FAM124B: variants seen among roughly 807,000 people sequenced by gnomAD.
FAM124B encodes protein FAM124B.
FAM124B carries 18 observed loss-of-function variants against 19.7 expected under a neutral mutation model. The ratio of observed to expected loss-of-function variants is 0.92; its 90% CI spans 0.63 to 1.36. The LOEUF is 1.36. Among genes scored for constraint, FAM124B ranks in the 40% most tolerant of loss-of-function variants. FAM124B has a pLI of 0.00. For missense variants in FAM124B, 540 were observed against 553.3 expected (o/e 0.98, Z 0.24); for synonymous variants, 223 against 225.2 (o/e 0.99, Z 0.09).
chr2:224,401,796 C>A lies in FAM124B; in HGVS notation c.-28G>T, dbSNP rs766448837. 1 of 1,591,366 alleles carries A rather than the reference C, an allele frequency of 6.3e-7. No individual in the cohort carries two copies. Among genetic ancestry groups the A allele is most frequent in the African/African-American group, 1.4e-5 (1 of 73,974 alleles). On this transcript the variant is annotated 5_prime_UTR_variant, in exon 1 of 2. Transcript: ENST00000409685. ...AGGAACTGCCTGAGGCTGACAAAGACAGCGTGTGTAGAAGGCCCACTGTTC... is the reference window on the plus strand; with the variant it reads ...AGGAACTGCCTGAGGCTGACAAAGAAAGCGTGTGTAGAAGGCCCACTGTTC...
At chr2:224,380,968 C>G (rs1370339774) in intron 1 of FAM124B, among the ~76,000 whole-genome samples, 1 of 152,220 alleles carries the variant, frequency 6.6e-6, no homozygotes, top group African/African-American at 2.4e-5. Flanking sequence ...ACTGACCCCC[C>G]TTTAAGACTT....
rs1689690635 is a variant in FAM124B at position 224,380,074 on chromosome 2, C to T, written c.867G>A (p.Arg289=). The stretch of plus-strand genomic sequence containing the variant: ...GAAGCTCCAGAGAATGCCCCTGGGA[C>T]CTCTTGCCCTGGTTCCTCTGGCTCC... ...EPRSQRNQGK[R]SQGHSLELPE... Residue 289 remains arginine, a synonymous_variant, in exon 2 of 2, where the codon AGG becomes AGA. Coordinates refer to ENST00000409685, the MANE Select transcript of FAM124B (RefSeq NM_001122779.2). The T allele has an allele frequency of 3.2e-6, 5 of 1,551,682 alleles. No individual in the cohort carries two copies. Among genetic ancestry groups the T allele is most frequent in the South Asian group, 1.2e-5 (1 of 84,058 alleles).
intron 1 of FAM124B, among the ~76,000 whole-genome samples, chr2:224,393,590 G>A (rs910356455): frequency 1.3e-5 from 2 of 152,136 alleles, no homozygotes; most frequent in Non-Finnish European, 2.9e-5. Context: ...AGACCTGGAA[G>A]GTGGACCTCA....
intron 1 of FAM124B, among the ~76,000 whole-genome samples, chr2:224,389,360 A>C (rs991643476): frequency 2.0e-5 from 3 of 152,218 alleles, no homozygotes; most frequent in Non-Finnish European, 2.9e-5. Flanking sequence ...TCATTTAAAA[A>C]TGTATTTTGA....
At chr2:224,398,910 G>A (rs1690018482) in intron 1 of FAM124B, among the ~76,000 whole-genome samples, 1 of 152,210 alleles carries the variant, frequency 6.6e-6, no homozygotes, top group South Asian at 2.1e-4. Context: ...CCGGGAGGCA[G>A]AGGTTGCAGT....
chr2:224,383,508 T>C (rs142252825), intron 1 of FAM124B, among the ~76,000 whole-genome samples: 45 of 152,198 alleles, frequency 3.0e-4, no homozygotes, highest in African/African-American at 1.0e-3. Flanking sequence ...TCTTTCCTTT[T>C]CATCTGTTTG....
chr2:224,400,965 C>T (rs1227392047), intron 1 of FAM124B, 72 bp downstream of exon 1: 12 of 1,513,092 alleles, frequency 7.9e-6, no homozygotes, highest in Non-Finnish European at 1.1e-5. Flanking sequence ...GAACCACTAG[C>T]TTAGGCCCAT....
Position 224,401,745 on chromosome 2 carries a change from C to T in FAM124B, c.24G>A (p.Leu8=). 6.2e-7 allele frequency: 1 copy of T among 1,613,504 alleles called. No homozygotes were observed. Among genetic ancestry groups the T allele is most frequent in the Non-Finnish European group, 8.5e-7 (1 of 1,179,810 alleles). Reference sequence around the variant, plus strand: ...TGGCAAGAAGATGGACAGTCATGGCCAGAGGCCCCTGTGTCTCATCCATGG... The same window carrying T: ...TGGCAAGAAGATGGACAGTCATGGCTAGAGGCCCCTGTGTCTCATCCATGG... MDETQGP[L]AMTVHLLANS... is the part of the protein sequence containing the mutation. The change falls in exon 1 of 2, where the codon CTG becomes CTA. Residue 8 remains leucine, a synonymous_variant. Transcript: ENST00000409685.
At position 224,401,629 on chromosome 2, in the gene FAM124B, C is replaced by G. The variant is rs901948091; in HGVS notation, c.140G>C (p.Arg47Pro). 1.9e-6 allele frequency: 3 copies of G among 1,614,070 alleles called. No individual in the cohort carries two copies. Among genetic ancestry groups the G allele is most frequent in the Non-Finnish European group, 2.5e-6 (3 of 1,180,048 alleles). Residue 47 changes from arginine to proline, a missense_variant, in exon 1 of 2, where the codon CGG becomes CCG. Physicochemically the swap from Arg to Pro is moderately radical, Grantham distance 103 (BLOSUM62 -2). Transcript: ENST00000409685. ...PEVRLFQVSE[R>P]ASPVKYCEKS... ...TTCACAGTATTTCACAGGACTGGCC[C>G]GTTCAGACACCTGAAAGAGCCGGAC...
intron 1 of FAM124B, among the ~76,000 whole-genome samples, chr2:224,390,768 T>G (rs1367015749): frequency 2.0e-5 from 3 of 150,396 alleles, no homozygotes; most frequent in African/African-American, 7.4e-5. Flanking sequence ...TGGCGCGATC[T>G]CGGCCCACTG....
chr2:224,398,241 G>A (rs1690007020), intron 1 of FAM124B, among the ~76,000 whole-genome samples: 1 of 152,114 alleles, frequency 6.6e-6, no homozygotes, highest in Non-Finnish European at 1.5e-5. Flanking sequence ...GGGACTACGG[G>A]TGCACACCAT....
intron 1 of FAM124B, among the ~76,000 whole-genome samples, chr2:224,381,557 G>A (rs1689717628): frequency 6.6e-6 from 1 of 152,130 alleles, no homozygotes; most frequent in South Asian, 2.1e-4. Context: ...AAGTGGAGCA[G>A]GAGGACTTTA....
At chr2:224,390,709 T>G (rs1194305915) in intron 1 of FAM124B, among the ~76,000 whole-genome samples, 5 of 141,740 alleles carry the variant, frequency 3.5e-5, no homozygotes, top group East Asian at 4.0e-4. Context: ...TTTTTGTTTG[T>G]TTGTTTTTTA....
At chr2:224,400,278 G>A (rs1690042352) in intron 1 of FAM124B, 2 of 494,110 alleles carry the variant, frequency 4.0e-6, no homozygotes, top group Admixed American at 7.0e-5. Flanking sequence ...TAAAAATTAA[G>A]TCAATAGTAC....
At chr2:224,399,166 C>G (rs1390302663) in intron 1 of FAM124B, among the ~76,000 whole-genome samples, 1 of 152,182 alleles carries the variant, frequency 6.6e-6, no homozygotes, top group East Asian at 1.9e-4. Flanking sequence ...AACTGTGGTT[C>G]CATAGCAAAA....
Position 224,379,621 on chromosome 2 carries a change from T to C in FAM124B, c.1320A>G (p.Gln440=), listed in dbSNP as rs2106074084. The part of the protein sequence containing the change: ...KTISECLLHL[Q]VQGEEKEEDE... ...CTTCTTCTTTTTCTTCACCCTGAAC[T>C]TGCAGATGAAGGAGACATTCTGAAA... Residue 440 remains glutamine (Q), a synonymous_variant, in exon 2 of 2, where the codon CAA becomes CAG. Transcript: ENST00000409685. 6.4e-7 allele frequency: 1 copy of C among 1,550,798 alleles called. No homozygotes were observed. The highest frequency in any genetic ancestry group is 2.4e-5 in the East Asian group (1 of 40,902).
chr2:224,384,885 A>G (rs1014682092), intron 1 of FAM124B, among the ~76,000 whole-genome samples: 3 of 151,590 alleles, frequency 2.0e-5, no homozygotes, highest in Non-Finnish European at 2.9e-5. Flanking sequence ...CCACTTTCTT[A>G]TCTTGGATGT....
Position 224,401,082 on chromosome 2 carries a change from G to T in FAM124B, c.687C>A (p.Thr229=). Residue 229 remains threonine (T), a synonymous_variant, in exon 1 of 2, where the codon ACC becomes ACA. Transcript: ENST00000409685. ...CATCGTAGTCCTGAGTCTGCCACCT[G>T]GTGCTGCTGATAGGCATGCATGGAT... ...LPNPCMPISS[T]RWQTQDYDGN... The T allele has an allele frequency of 6.2e-7, 1 of 1,611,978 alleles. No homozygotes were observed. Among genetic ancestry groups the T allele is most frequent in the South Asian group, 1.1e-5 (1 of 90,954 alleles).
chr2:224,401,018 T>TCTAC lies in FAM124B; in HGVS notation c.732+18_732+19insGTAG. The TCTAC allele has an allele frequency of 6.4e-7, 1 of 1,571,382 alleles. No individual in the cohort carries two copies. The highest frequency in any genetic ancestry group is 8.6e-7 in the Non-Finnish European group (1 of 1,158,112). ...CAGCTCCATGAGCCTCTACAAGATCTGAGACAAAACAGAAATACCTGAAGC... is the reference window on the plus strand; with the variant it reads ...CAGCTCCATGAGCCTCTACAAGATCTCTACGAGACAAAACAGAAATACCTGAAGC... On this transcript the variant is annotated intron_variant, in intron 1 of 1. Transcript: ENST00000409685.
Sources: allele counts gnomAD v4.1 joint callset (sites outside exome capture counted in the v4.1 genomes callset), GRCh38; gene constraint gnomAD v4.1.1; transcripts MANE v1.5; gene names NCBI Gene and HGNC (gene_info 2026-07-23, HGNC 2026-07-21).